Variants in SGCD observed in about 807,000 individuals in gnomAD.
SGCD encodes sarcoglycan delta.
A neutral mutation model predicts 36.6 loss-of-function variants in SGCD; 18 were observed. That is an observed-to-expected ratio of 0.49 (90% CI 0.34 to 0.73). SGCD has a LOEUF of 0.73. SGCD is among the 30% of genes least tolerant of loss of function. The probability of loss-of-function intolerance (pLI) is 0.01; values close to 1 mark genes in which losing one functional copy is unlikely to be tolerated. For missense variants in SGCD, 387 were observed against 346.7 expected, an observed-to-expected ratio of 1.12 and a Z score of -0.92; for synonymous variants, 133 against 130.6, an observed-to-expected ratio of 1.02 and a Z score of -0.12.
At chr5:156,212,403 A>G (rs998505251) in intron 3 of SGCD, among the ~76,000 whole-genome samples, 5 of 152,194 alleles carry the variant, frequency 3.3e-5, no homozygotes, top group African/African-American at 1.2e-4. Flanking sequence ...GAGAAAAAGA[A>G]GGTCATTATA....
chr5:155,995,986 C>CAAAAAAAAAAA (rs753195795), intron 1 of SGCD, among the ~76,000 whole-genome samples: 1 of 46,252 alleles, frequency 2.2e-5, no homozygotes, highest in African/African-American at 5.6e-5. Context: ...CAGACCACAC[C>CAAAAAAAAAAA]AAAAAAAAAA....
chr5:156,054,108 ATGT>A (rs1226949280), intron 1 of SGCD, among the ~76,000 whole-genome samples: 1 of 145,694 alleles, frequency 6.9e-6, no homozygotes, highest in Non-Finnish European at 1.5e-5. Flanking sequence ...TTGGGTGGAG[ATGT>A]CAAGTAAGAA....
chr5:156,636,855 G>A (rs1323142560), intron 6 of SGCD, among the ~76,000 whole-genome samples: 3 of 152,180 alleles, frequency 2.0e-5, no homozygotes, highest in African/African-American at 7.2e-5. Flanking sequence ...GGAAATGTCA[G>A]TTTACTTCTC....
At chr5:156,168,302 A>C (rs755347703) in intron 3 of SGCD, among the ~76,000 whole-genome samples, 3 of 152,078 alleles carry the variant, frequency 2.0e-5, no homozygotes, top group Non-Finnish European at 4.4e-5. Flanking sequence ...TGCTTGTAGA[A>C]TTTGATTTCC....
At chr5:156,738,643 C>T (rs1354152787) in intron 7 of SGCD, 3 of 152,150 alleles carry the variant, frequency 2.0e-5, no homozygotes, top group Admixed American at 1.3e-4. Context: ...TATGTGGCCA[C>T]TACATACAAC....
chr5:156,023,468 G>A (rs1759154504), intron 1 of SGCD, among the ~76,000 whole-genome samples: 1 of 152,226 alleles, frequency 6.6e-6, no homozygotes, highest in Admixed American at 6.5e-5. Context: ...ACCTGAGATT[G>A]AGTAGGTATG....
At chr5:156,000,780 A>G (rs1398467255) in intron 1 of SGCD, among the ~76,000 whole-genome samples, 1 of 150,004 alleles carries the variant, frequency 6.7e-6, no homozygotes, top group African/African-American at 2.5e-5. Context: ...ATTCAAACAC[A>G]TATTTTTTTT....
At chr5:156,161,976 C>T (rs1763097409) in intron 3 of SGCD, among the ~76,000 whole-genome samples, 1 of 151,268 alleles carries the variant, frequency 6.6e-6, no homozygotes, top group Non-Finnish European at 1.5e-5. Flanking sequence ...AATTTCAGGT[C>T]AAACTTTTGA....
chr5:155,860,962 C>G, the SGCD span, among the ~76,000 whole-genome samples: 2 of 152,088 alleles, frequency 1.3e-5, no homozygotes, highest in Non-Finnish European at 2.9e-5. Context: ...GAGTTCTGAG[C>G]CTAGAAGTGG....
intron 2 of SGCD, among the ~76,000 whole-genome samples, chr5:156,332,692 G>T (rs1768127410): frequency 6.6e-6 from 1 of 152,284 alleles, no homozygotes; most frequent in Non-Finnish European, 1.5e-5. Flanking sequence ...AGGACAGTAT[G>T]GTGGCCAAGA....
At chr5:156,069,586 A>C (rs1338529391) in intron 1 of SGCD, among the ~76,000 whole-genome samples, 1 of 152,100 alleles carries the variant, frequency 6.6e-6, no homozygotes, top group Non-Finnish European at 1.5e-5. Flanking sequence ...CTTTTGGCTT[A>C]GGATTGACTT....
the SGCD span, among the ~76,000 whole-genome samples, chr5:155,833,065 A>AAAG: frequency 7.4e-6 from 1 of 135,110 alleles, no homozygotes; most frequent in African/African-American, 2.7e-5. Flanking sequence ...AAAAAAAAAA[A>AAAG]AAAAAAGAAA....
chr5:155,954,663 T>C (rs1757613905), intron 1 of SGCD, among the ~76,000 whole-genome samples: 3 of 150,728 alleles, frequency 2.0e-5, no homozygotes, highest in African/African-American at 7.3e-5. Context: ...GGACCTAGAG[T>C]AGTGTCTTTA....
intron 3 of SGCD, among the ~76,000 whole-genome samples, chr5:156,357,094 C>T (rs1447451702): frequency 6.6e-6 from 1 of 152,178 alleles, no homozygotes; most frequent in African/African-American, 2.4e-5. Flanking sequence ...CTGCTATGGC[C>T]ATTTTAGGAA....
chr5:156,100,191 AATG>A (rs1017803946), intron 1 of SGCD, among the ~76,000 whole-genome samples: 1 of 152,126 alleles, frequency 6.6e-6, no homozygotes, highest in Non-Finnish European at 1.5e-5. Flanking sequence ...TGTTATGTTA[AATG>A]GTGGTATGTG....
At chr5:156,030,340 C>A (rs1228191986) in intron 1 of SGCD, among the ~76,000 whole-genome samples, 3 of 152,076 alleles carry the variant, frequency 2.0e-5, no homozygotes, top group Non-Finnish European at 4.4e-5. Flanking sequence ...GAGTCCTAAT[C>A]CAATAATGGC....
intron 1 of SGCD, among the ~76,000 whole-genome samples, chr5:155,939,478 T>TA (rs201015087): frequency 1.7e-4 from 26 of 151,072 alleles, no homozygotes; most frequent in Admixed American, 4.0e-4. Flanking sequence ...TCATCTCTAC[T>TA]AAAAAAAATA....
intron 7 of SGCD, among the ~76,000 whole-genome samples, chr5:156,692,592 C>G (rs1754158312): frequency 6.6e-6 from 1 of 152,206 alleles, no homozygotes; most frequent in Non-Finnish European, 1.5e-5. Context: ...ATTGTTATTT[C>G]ATTTTTCCAT....
intron 4 of SGCD, among the ~76,000 whole-genome samples, chr5:156,579,890 A>C (rs956452581): frequency 8.5e-5 from 13 of 152,288 alleles, no homozygotes; most frequent in African/African-American, 3.1e-4. Flanking sequence ...GTGTCTTTTA[A>C]CTGGGGAATT....
Sources: allele counts gnomAD v4.1 joint callset (sites outside exome capture counted in the v4.1 genomes callset), GRCh38; gene constraint gnomAD v4.1.1; transcripts MANE v1.5; gene names NCBI Gene and HGNC (gene_info 2026-07-23, HGNC 2026-07-21).